The following RTTN variants were observed in gnomAD, a reference collection of about 807,000 sequenced individuals.
RTTN encodes the protein rotatin.
A neutral mutation model predicts 269.2 loss-of-function variants in RTTN; 182 were observed. The ratio of observed to expected loss-of-function variants is 0.68; its 90% CI spans 0.60 to 0.76. The LOEUF is 0.76. RTTN is among the 30% of genes least tolerant of loss of function. The pLI, the probability that RTTN is intolerant of heterozygous loss-of-function variation, is 0.00. For missense variants in RTTN, 2,545 were observed against 2,608.6 expected, an observed-to-expected ratio of 0.98 and a Z score of 0.53; for synonymous variants, 1,006 against 963.5, an observed-to-expected ratio of 1.04 and a Z score of -0.82.
chr18:70,153,875 A>G (rs2060605440), intron 14 of RTTN, among the ~76,000 whole-genome samples: 1 of 152,212 alleles, frequency 6.6e-6, no homozygotes. Context: ...TTTTAAAACC[A>G]CATTGCACTA....
At chr18:70,094,493 T>C (rs1568367938) in intron 28 of RTTN, among the ~76,000 whole-genome samples, 2 of 152,242 alleles carry the variant, frequency 1.3e-5, no homozygotes, top group Non-Finnish European at 2.9e-5. Flanking sequence ...GTCTTTGTTC[T>C]CTTTGGTTTC....
chr18:70,081,310 A>G (rs1410224973), intron 32 of RTTN, among the ~76,000 whole-genome samples: 1 of 152,182 alleles, frequency 6.6e-6, no homozygotes, highest in Non-Finnish European at 1.5e-5. Context: ...CTGTTCCCCA[A>G]TAACCTATGG....
At position 70,197,728 on chromosome 18, in the gene RTTN, T is replaced by C. The variant is rs774002639; in HGVS notation, c.589A>G (p.Ser197Gly). The change falls in exon 6 of 49, where the codon AGT becomes GGT. Residue 197 changes from serine to glycine, a missense_variant. Transcript: ENST00000640769. ...TTCCAGATTAAAGTGTGGTTACTAC[T>C]TCTTAAAGAGCTACAAAACATAGCG... ...VLSSNESSLR[S>G]SNHTLIWNTC... 4.4e-6 allele frequency: 7 copies of C among 1,586,882 alleles called. No individual in the cohort carries two copies. The highest frequency in any genetic ancestry group is 2.7e-5 in the African/African-American group (2 of 74,420).
At chr18:70,009,951 A>C (rs750343386) in intron 46 of RTTN, among the ~76,000 whole-genome samples, 1 of 152,210 alleles carries the variant, frequency 6.6e-6, no homozygotes, top group Non-Finnish European at 1.5e-5. Context: ...CCTCTGATAA[A>C]AAAGACTTTA....
At chr18:70,101,556 G>C (rs184352357) in intron 28 of RTTN, among the ~76,000 whole-genome samples, 1 of 151,896 alleles carries the variant, frequency 6.6e-6, no homozygotes, top group East Asian at 1.9e-4. Flanking sequence ...TTTTTTAAGG[G>C]TTTTTGTGTC....
At chr18:70,203,163 T>C (rs75721148) in intron 3 of RTTN, among the ~76,000 whole-genome samples, 4,299 of 152,172 alleles carry the variant, frequency 0.028, 206 homozygotes, top group African/African-American at 0.096. Context: ...TTTACAGACA[T>C]TGTCTCATCT....
In RTTN at chr18:70,004,153, A is replaced by T. The variant is rs1568225983; in HGVS notation, c.6679T>A (p.Ter2227ArgextTer8). Reference sequence around the variant, plus strand: ...CAAGGTGTAGCATCCCATGGCACTCAGGAAGAATTAAGGAGCTGCACGAGG... The same window carrying T: ...CAAGGTGTAGCATCCCATGGCACTCTGGAAGAATTAAGGAGCTGCACGAGG... ...ENLVQLLNSS[*>R] The change falls in exon 49 of 49, where the codon TGA becomes AGA. Residue 2227 changes from the stop codon to arginine (R), a stop_lost. Transcript: ENST00000640769. The T allele has an allele frequency of 1.2e-6, 2 of 1,611,156 alleles. No individual in the cohort carries two copies. Among genetic ancestry groups the T allele is most frequent in the East Asian group, 2.2e-5 (1 of 44,828 alleles).
At chr18:70,139,835 A>G in intron 20 of RTTN, 119 bp from the exon 21 acceptor site, 1 of 694,626 alleles carries the variant, frequency 1.4e-6, no homozygotes, top group South Asian at 1.9e-5. Context: ...ATCTGAAACT[A>G]AAATGTAAAT....
Position 70,075,342 on chromosome 18 carries a change from T to C in RTTN, c.4564+10A>G, listed in dbSNP as rs2058399216. On this transcript the variant is annotated intron_variant, in intron 33 of 48. Transcript: ENST00000640769. Reference sequence around the variant, plus strand: ...TTACAAAAATAAAAATACAAAGATATCGTACTTACCATTTAAATCATTGCT... The same window carrying C: ...TTACAAAAATAAAAATACAAAGATACCGTACTTACCATTTAAATCATTGCT... 2.0e-6 allele frequency: 3 copies of C among 1,515,878 alleles called. No individual in the cohort carries two copies. Among genetic ancestry groups the C allele is most frequent in the African/African-American group, 2.9e-5 (2 of 70,042 alleles). 93.9% of individuals were successfully genotyped at this position (1,515,878 alleles called of 1,614,324 possible).
chr18:70,057,721 A>G (rs991449621), intron 37 of RTTN, 21 bp downstream of exon 37: 1 of 1,603,026 alleles, frequency 6.2e-7, no homozygotes, highest in South Asian at 1.1e-5. Context: ...ACAAACCCAC[A>G]AACAGACTTG....
chr18:70,167,175 G>A, intron 12 of RTTN, 144 bp from the exon 13 acceptor site: 3 of 601,704 alleles, frequency 5.0e-6, no homozygotes, highest in Non-Finnish European at 8.6e-6. Flanking sequence ...TTCTCATCAA[G>A]CAACCTAAAA....
intron 45 of RTTN, 73 bp from the exon 46 acceptor site, chr18:70,017,747 TTAAC>T: frequency 4.2e-6 from 5 of 1,194,482 alleles, no homozygotes; most frequent in Middle Eastern, 5.6e-4. Context: ...TGGTGACCAA[TTAAC>T]TAACATTCTG....
At chr18:70,196,444 T>C in intron 7 of RTTN, 57 bp downstream of exon 7, 1 of 1,487,464 alleles carries the variant, frequency 6.7e-7, no homozygotes, top group Non-Finnish European at 9.2e-7. Flanking sequence ...TAATGGAAGG[T>C]TCCCAGAAGA....
Position 70,142,301 on chromosome 18 carries a change from A to T in RTTN, c.2568T>A (p.Ala856=), listed in dbSNP as rs370998068. The T allele has an allele frequency of 6.8e-4, 1,082 of 1,596,324 alleles. No homozygotes were observed. Among genetic ancestry groups the T allele is most frequent in the Non-Finnish European group, 8.0e-4 (934 of 1,165,564 alleles). ...AAAAGACATTACCTTGCATAATCAC[A>T]GCTAACTGTTCAGCAGCTGACTTTC... is the stretch of plus-strand genomic sequence containing the variant. ...VLRKSAAEQL[A]VIMQDIKMHA... The change falls in exon 19 of 49, where the codon GCT becomes GCA. Residue 856 remains alanine (A), a synonymous_variant. Coordinates refer to ENST00000640769, the MANE Select transcript of RTTN (RefSeq NM_173630.4).
At chr18:70,202,057 G>C in intron 3 of RTTN, 74 bp from the exon 4 acceptor site, 1 of 834,780 alleles carries the variant, frequency 1.2e-6, no homozygotes, top group Non-Finnish European at 1.9e-6. Flanking sequence ...TCTTTAAGTG[G>C]TAATGTTTTC....
rs2056971788 is a variant in RTTN at position 70,030,167 on chromosome 18, C to T, written c.5648-58G>A. On this transcript the variant is annotated intron_variant, in intron 41 of 48. Transcript: ENST00000640769. ...TATTCTATTTCCAAGTAAGTTATAACCACATATACCAATCAGATTCTCAAA... is the reference window on the plus strand; with the variant it reads ...TATTCTATTTCCAAGTAAGTTATAATCACATATACCAATCAGATTCTCAAA... 1.1e-5 allele frequency: 12 copies of T among 1,063,500 alleles called. No individual in the cohort carries two copies. In the Admixed American group the frequency reaches 2.3e-4, roughly 20 times the overall value. The allele number at this position is 1,063,500 out of a possible 1,614,324, so 65.9% of individuals were successfully genotyped here. A position where few individuals can be genotyped will look rare whatever the true frequency, so the allele number is the denominator to read the frequency against.
intron 28 of RTTN, among the ~76,000 whole-genome samples, chr18:70,108,790 T>C (rs910785771): frequency 6.6e-6 from 1 of 151,886 alleles, no homozygotes; most frequent in African/African-American, 2.4e-5. Flanking sequence ...CAATATACAA[T>C]TATGAATTAA....
rs1257564495 is a variant in RTTN at position 70,047,972 on chromosome 18, T to A, written c.5540A>T (p.Gln1847Leu). The A allele has an allele frequency of 3.1e-6, 5 of 1,611,616 alleles. No homozygotes were observed. Among genetic ancestry groups the A allele is most frequent in the Non-Finnish European group, 4.2e-6 (5 of 1,177,834 alleles). The change falls in exon 40 of 49, where the codon CAG (glutamine) becomes CTG (leucine). Residue 1847 changes from glutamine to leucine, a missense_variant and splice_region_variant. By Grantham distance (113) the Gln-to-Leu change is moderately radical (BLOSUM62 -2). Coordinates refer to ENST00000640769, the MANE Select transcript of RTTN (RefSeq NM_173630.4). ...TTGAAAAACCAAGAAATGACGTACC[T>A]GAAGGATTACATCACTAAGTTGTTC... Reference protein sequence around the residue: ...SLEQLSDVILQCYEGKSSKDI... With the variant: ...SLEQLSDVILLCYEGKSSKDI...
intron 30 of RTTN, among the ~76,000 whole-genome samples, chr18:70,088,898 A>C (rs1289804142): frequency 6.6e-6 from 1 of 152,216 alleles, no homozygotes; most frequent in African/African-American, 2.4e-5. Flanking sequence ...AAAACTGGAA[A>C]GAAATAATAC....
Sources: allele counts gnomAD v4.1 joint callset (sites outside exome capture counted in the v4.1 genomes callset), GRCh38; gene constraint gnomAD v4.1.1; transcripts MANE v1.5; gene names NCBI Gene and HGNC (gene_info 2026-07-23, HGNC 2026-07-21).